Variants in ATOH8 observed in about 807,000 individuals in gnomAD.
ATOH8 encodes transcription factor ATOH8.
A neutral mutation model predicts 21.2 loss-of-function variants in ATOH8; 9 were observed. The ratio of observed to expected loss-of-function variants is 0.42; its 90% CI spans 0.26 to 0.74. The LOEUF is 0.74. Among genes scored for constraint, ATOH8 ranks in the 30% least tolerant of loss-of-function variants. The pLI is 0.24. For synonymous variants in ATOH8, 253 were observed against 224.0 expected, an observed-to-expected ratio of 1.13 and a Z score of -1.16; for missense variants, 524 against 470.9, an observed-to-expected ratio of 1.11 and a Z score of -1.04.
chr2:85,764,296 T>C, intron 2 of ATOH8, 114 bp downstream of exon 2: 4 of 1,349,624 alleles, frequency 3.0e-6, no homozygotes, highest in Non-Finnish European at 4.0e-6. Context: ...AGAGATCAGC[T>C]CTTGGAGGTT....
chr2:85,759,091 G>A (rs947411433), intron 1 of ATOH8, among the ~76,000 whole-genome samples: 1 of 152,184 alleles, frequency 6.6e-6, no homozygotes. Context: ...CCTGGGGCCC[G>A]GGCTACCTCC....
At chr2:85,773,969 G>A (rs1680260649) in intron 2 of ATOH8, 1 of 498,596 alleles carries the variant, frequency 2.0e-6, no homozygotes, top group African/African-American at 2.1e-5. Context: ...GCTGGAGCTG[G>A]TCCCTACTCT....
At chr2:85,761,784 G>T (rs559861618) in intron 1 of ATOH8, among the ~76,000 whole-genome samples, 6 of 152,190 alleles carry the variant, frequency 3.9e-5, no homozygotes, top group Non-Finnish European at 5.9e-5. Flanking sequence ...CCTGCCCCAG[G>T]ACTACCAGAC....
chr2:85,754,286 C>G lies in ATOH8; in HGVS notation c.97C>G (p.Pro33Ala), dbSNP rs1425354282. The change falls in exon 1 of 3, where the codon CCG becomes GCG. Residue 33 changes from proline to alanine, a missense_variant. By Grantham distance (27) the Pro-to-Ala change is conservative. Transcript: ENST00000306279. ...GAAGCTCAAGCGGAAAGGCAAGGAG[C>G]CGGCGCGGCGCGCGAACGGCTATAA... Reference protein sequence around the residue: ...LKKLKRKGKEPARRANGYKTF... With the variant: ...LKKLKRKGKEAARRANGYKTF... 6.2e-7 allele frequency: 1 copy of G among 1,609,962 alleles called. No homozygotes were observed. Among genetic ancestry groups the G allele is most frequent in the Non-Finnish European group, 8.5e-7 (1 of 1,178,868 alleles).
At chr2:85,773,530 T>C (rs1680246901) in intron 2 of ATOH8, 1 of 152,678 alleles carries the variant, frequency 6.5e-6, no homozygotes, top group African/African-American at 2.4e-5. Context: ...ACAGTGGTGA[T>C]GTGATGGGGG....
chr2:85,787,024 A>G lies in ATOH8; in HGVS notation c.*134A>G. ...CCAGATGCCCAGCCTACAGCCTCTC[A>G]GGGTCGGATCGGAGCACGCCTGCCT... On this transcript the variant is annotated 3_prime_UTR_variant, in exon 3 of 3. Transcript: ENST00000306279. 3 of 1,237,646 alleles carry G rather than the reference A, an allele frequency of 2.4e-6. No homozygotes were observed. The highest frequency in any genetic ancestry group is 3.4e-6 in the Non-Finnish European group (3 of 870,270). The allele number at this position is 1,237,646 out of a possible 1,614,324, so 76.7% of individuals were successfully genotyped here.
At chr2:85,759,730 C>T (rs747794556) in intron 1 of ATOH8, among the ~76,000 whole-genome samples, 11 of 152,106 alleles carry the variant, frequency 7.2e-5, no homozygotes, top group Admixed American at 2.6e-4. Flanking sequence ...CAGTGGAATC[C>T]GGTGCTCATC....
rs1558616910 is a variant in ATOH8, at chr2:85,779,064, T to TCCTCCAGCCTGGGTGCCC, written c.961-7799_961-7782dup. Among the ~76,000 whole-genome samples the TCCTCCAGCCTGGGTGCCC allele has an allele frequency of 3.3e-5, 5 of 151,118 alleles. No individual in the cohort carries two copies. In the South Asian group the frequency reaches 8.5e-4, roughly 26 times the overall value. On this transcript the variant is annotated intron_variant, in intron 2 of 2. Coordinates refer to ENST00000306279, the MANE Select transcript of ATOH8 (RefSeq NM_032827.7). ...GGGTGCCTCCTCCAGCCTGGGTGCC[T>TCCTCCAGCCTGGGTGCCC]CCTCCAGCCTGGGTGCCCCCTCCAG...
intron 2 of ATOH8, chr2:85,772,798 T>C (rs1558614154): frequency 1.1e-5 from 5 of 456,224 alleles, no homozygotes; most frequent in Non-Finnish European, 2.2e-5. Flanking sequence ...CTTGACTTTT[T>C]ATCTCTGGTT....
chr2:85,783,023 C>T (rs1465739782), intron 2 of ATOH8, among the ~76,000 whole-genome samples: 2 of 152,224 alleles, frequency 1.3e-5, no homozygotes, highest in Admixed American at 6.5e-5. Context: ...GTGTTAGATA[C>T]TGTTTTGGGC....
At chr2:85,784,945 T>C (rs966214409) in intron 2 of ATOH8, among the ~76,000 whole-genome samples, 7 of 152,234 alleles carry the variant, frequency 4.6e-5, no homozygotes, top group African/African-American at 1.7e-4. Context: ...GTGGTGGTGG[T>C]CCAGTGTAGA....
At chr2:85,781,886 AAAAAATAAAT>A (rs1680506375) in intron 2 of ATOH8, among the ~76,000 whole-genome samples, 3 of 57,044 alleles carry the variant, frequency 5.3e-5, no homozygotes, top group African/African-American at 4.0e-4. Flanking sequence ...TAAAAAAAAT[AAAAAATAAAT>A]AAAAATAAAA....
chr2:85,774,366 G>C, intron 2 of ATOH8: 1 of 985,558 alleles, frequency 1.0e-6, no homozygotes, highest in Non-Finnish European at 1.2e-6. Context: ...CTCAGACAGG[G>C]TGTCAGCAGG....
chr2:85,781,090 G>C, intron 2 of ATOH8: 1 of 988,042 alleles, frequency 1.0e-6, no homozygotes, highest in Non-Finnish European at 1.2e-6. Context: ...GTCCAGGCTT[G>C]AGTGTTAAAG....
chr2:85,761,984 G>A (rs1399595588), intron 1 of ATOH8, among the ~76,000 whole-genome samples: 1 of 152,136 alleles, frequency 6.6e-6, no homozygotes, highest in African/African-American at 2.4e-5. Context: ...TCCCTCTCTG[G>A]GTTTCCTAGT....
chr2:85,765,606 T>C (rs1415784272), intron 2 of ATOH8, among the ~76,000 whole-genome samples: 1 of 152,162 alleles, frequency 6.6e-6, no homozygotes, highest in Non-Finnish European at 1.5e-5. Flanking sequence ...TTGTAAACTC[T>C]CGGTGAACTT....
intron 2 of ATOH8, 99 bp from the exon 3 acceptor site, chr2:85,786,786 T>C (rs1288009139): frequency 6.9e-6 from 11 of 1,583,576 alleles, no homozygotes; most frequent in African/African-American, 1.3e-5. Context: ...TGGGGGCCCC[T>C]CTGCCTGGAG....
At chr2:85,771,874 G>T in intron 2 of ATOH8, among the ~76,000 whole-genome samples, 1 of 152,240 alleles carries the variant, frequency 6.6e-6, no homozygotes, top group Non-Finnish European at 1.5e-5. Flanking sequence ...GGAAGACTGA[G>T]GCCAGGAGAA....
chr2:85,764,253 C>T (rs972948079), intron 2 of ATOH8, 71 bp downstream of exon 2: 24 of 1,575,794 alleles, frequency 1.5e-5, no homozygotes, highest in Non-Finnish European at 2.1e-5. Context: ...CTTGGGGGTG[C>T]CCTGCCTATG....
Sources: gnomAD v4.1 joint callset for allele counts (sites outside exome capture counted in the v4.1 genomes callset) on GRCh38, gnomAD v4.1.1 for gene constraint, MANE v1.5 for transcripts, NCBI Gene and HGNC (gene_info 2026-07-23, HGNC 2026-07-21) for gene names.